RAB27A: variants seen among roughly 807,000 people sequenced by gnomAD.
RAB27A encodes the protein RAB27A, member RAS oncogene family.
In RAB27A, 17 loss-of-function variants were observed where a neutral mutation model predicts 20.8. That is an observed-to-expected ratio of 0.82 (90% CI 0.56 to 1.23). The LOEUF is 1.23. Ranked by LOEUF, RAB27A falls within the 50% of genes most tolerant of loss-of-function variation. RAB27A has a pLI of 0.00. For missense variants in RAB27A, 277 were observed against 266.7 expected, an observed-to-expected ratio of 1.04 and a Z score of -0.27; for synonymous variants, 85 against 92.8, an observed-to-expected ratio of 0.92 and a Z score of 0.48.
At chr15:55,312,653 G>GA (rs879338815) in intron 2 of RAB27A, among the ~76,000 whole-genome samples, 129 of 145,836 alleles carry the variant, frequency 8.8e-4, no homozygotes, top group Middle Eastern at 3.5e-3. Flanking sequence ...TCTTCACCAG[G>GA]AAAAAAAAAA....
intron 2 of RAB27A, among the ~76,000 whole-genome samples, chr15:55,239,903 C>T (rs1229819742): frequency 1.3e-5 from 2 of 152,146 alleles, no homozygotes; most frequent in African/African-American, 4.8e-5. Context: ...TCTGAGCTTG[C>T]AGTCCAGTTA....
chr15:55,297,178 G>A (rs1005415655), intron 2 of RAB27A, among the ~76,000 whole-genome samples: 2 of 152,234 alleles, frequency 1.3e-5, no homozygotes, highest in South Asian at 2.1e-4. Flanking sequence ...ATCACTGGTA[G>A]AGAAGCCATT....
At chr15:55,297,968 C>A (rs1007652476) in intron 2 of RAB27A, among the ~76,000 whole-genome samples, 2 of 151,904 alleles carry the variant, frequency 1.3e-5, no homozygotes, top group Admixed American at 1.3e-4. Context: ...TTTGGGAGGC[C>A]GAGGTGGGCA....
intron 1 of RAB27A, among the ~76,000 whole-genome samples, chr15:55,273,483 C>T (rs968119512): frequency 3.3e-5 from 5 of 150,650 alleles, no homozygotes; most frequent in African/African-American, 1.2e-4. Flanking sequence ...AAATAAGATA[C>T]AATTATTTGC....
At chr15:55,251,377 C>T (rs760748805) in intron 2 of RAB27A, among the ~76,000 whole-genome samples, 3 of 152,114 alleles carry the variant, frequency 2.0e-5, no homozygotes, top group African/African-American at 4.8e-5. Flanking sequence ...CTGGAAAAAT[C>T]GAGGCCAAAC....
chr15:55,317,488 T>C (rs2055056885), intron 1 of RAB27A: 2 of 314,050 alleles, frequency 6.4e-6, no homozygotes, highest in African/African-American at 2.2e-5. Flanking sequence ...CTGATTTTTG[T>C]ATTTTCAGTA....
chr15:55,262,270 G>A (rs73413650), intron 2 of RAB27A, among the ~76,000 whole-genome samples: 32,936 of 151,666 alleles, frequency 0.22, 5,030 homozygotes, highest in African/African-American at 0.43. Flanking sequence ...GGCCAGGCGC[G>A]GTGGCTCATG....
intron 1 of RAB27A, among the ~76,000 whole-genome samples, chr15:55,274,661 C>T (rs919489443): frequency 1.3e-5 from 2 of 150,988 alleles, no homozygotes; most frequent in Non-Finnish European, 3.0e-5. Context: ...GCCTGTAATC[C>T]CAGCTGCTTG....
intron 1 of RAB27A, among the ~76,000 whole-genome samples, chr15:55,287,267 T>C (rs1898182268): frequency 6.6e-6 from 1 of 152,080 alleles, no homozygotes; most frequent in Non-Finnish European, 1.5e-5. Context: ...CAAGAGTGAT[T>C]TCAGGGTGTT....
At chr15:55,259,078 A>T (rs1412102690) in intron 2 of RAB27A, among the ~76,000 whole-genome samples, 2 of 152,152 alleles carry the variant, frequency 1.3e-5, no homozygotes, top group East Asian at 3.9e-4. Flanking sequence ...GGCCGTCCAA[A>T]GTGCTGAGAT....
chr15:55,214,141 T>C (rs1250267886), intron 6 of RAB27A, among the ~76,000 whole-genome samples: 1 of 152,172 alleles, frequency 6.6e-6, no homozygotes, highest in African/African-American at 2.4e-5. Flanking sequence ...GCACAGCTAT[T>C]AAAAACTGGT....
intron 6 of RAB27A, among the ~76,000 whole-genome samples, chr15:55,208,781 C>T (rs1201050239): frequency 1.3e-5 from 2 of 152,214 alleles, no homozygotes; most frequent in East Asian, 3.8e-4. Flanking sequence ...ATCAGTCTTC[C>T]TGGGCTGGTG....
chr15:55,283,436 G>A (rs1212242542), intron 1 of RAB27A, among the ~76,000 whole-genome samples: 3 of 152,060 alleles, frequency 2.0e-5, no homozygotes, highest in East Asian at 3.8e-4. Flanking sequence ...GGAATGAGCC[G>A]CCACCTGAGG....
chr15:55,313,867 G>A (rs913700751), intron 2 of RAB27A, among the ~76,000 whole-genome samples: 2 of 152,150 alleles, frequency 1.3e-5, no homozygotes, highest in African/African-American at 2.4e-5. Flanking sequence ...CAGCTACTCA[G>A]GAGGCTGAGG....
At chr15:55,280,179 G>A (rs897564910) in intron 1 of RAB27A, among the ~76,000 whole-genome samples, 3 of 152,114 alleles carry the variant, frequency 2.0e-5, no homozygotes, top group Non-Finnish European at 4.4e-5. Context: ...AACAATTTCC[G>A]AGGCTGTGCT....
chr15:55,291,684 C>T (rs185723019), upstream of RAB27A, among the ~76,000 whole-genome samples: 9 of 152,246 alleles, frequency 5.9e-5, no homozygotes, highest in Non-Finnish European at 4.4e-5. Flanking sequence ...TTTCCCCACT[C>T]CTGTGGCCAG....
At chr15:55,230,520 G>T (rs1205603805) in intron 3 of RAB27A, 34 bp from the exon 4 acceptor site, 1 of 1,558,798 alleles carries the variant, frequency 6.4e-7, no homozygotes, top group Non-Finnish European at 8.8e-7. Flanking sequence ...AAACAAAAGA[G>T]AACTTCTAAC....
chr15:55,266,246 C>A (rs976646583), intron 2 of RAB27A, among the ~76,000 whole-genome samples: 8 of 152,198 alleles, frequency 5.3e-5, no homozygotes, highest in Non-Finnish European at 1.5e-5. Flanking sequence ...CAAGTGTCTG[C>A]AACCTGGAAG....
chr15:55,297,981 T>C (rs2054956389), intron 2 of RAB27A, among the ~76,000 whole-genome samples: 1 of 151,940 alleles, frequency 6.6e-6, no homozygotes, highest in Admixed American at 6.6e-5. Flanking sequence ...GGTGGGCATA[T>C]CATGAGGTCA....
Sources: allele counts gnomAD v4.1 joint callset (sites outside exome capture counted in the v4.1 genomes callset), GRCh38; gene constraint gnomAD v4.1.1; transcripts MANE v1.5; gene names NCBI Gene and HGNC (gene_info 2026-07-23, HGNC 2026-07-21).